Variants in BCAR3 observed in about 807,000 individuals in gnomAD.
The protein encoded by BCAR3 is breast cancer anti-estrogen resistance protein 3.
In BCAR3, 37 loss-of-function variants were observed where a neutral mutation model predicts 80.1. The ratio of observed to expected loss-of-function variants is 0.46; its 90% CI spans 0.36 to 0.61. BCAR3 has a LOEUF of 0.61. BCAR3 is among the 20% of genes least tolerant of loss of function. The pLI is 0.00. For synonymous variants in BCAR3, 389 were observed against 418.9 expected, an observed-to-expected ratio of 0.93 and a Z score of 0.87; for missense variants, 978 against 1,068.2, an observed-to-expected ratio of 0.92 and a Z score of 1.18.
chr1:93,596,545 T>C (rs536735421), intron 3 of BCAR3, among the ~76,000 whole-genome samples: 78 of 152,296 alleles, frequency 5.1e-4, no homozygotes, highest in African/African-American at 1.7e-3. Flanking sequence ...TCTTAGAAAG[T>C]TGACATTGAG....
intron 2 of BCAR3, among the ~76,000 whole-genome samples, chr1:93,779,605 G>C (rs950340623): frequency 2.6e-5 from 4 of 152,182 alleles, no homozygotes; most frequent in African/African-American, 9.7e-5. Flanking sequence ...TAGGGGAAGG[G>C]TGTTCCAGGG....
intron 2 of BCAR3, 112 bp from the exon 3 acceptor site, chr1:93,642,455 C>G: frequency 9.5e-7 from 1 of 1,054,982 alleles, no homozygotes; most frequent in Non-Finnish European, 1.4e-6. Context: ...AAGCTGGGCC[C>G]CATCTCCCAG....
intron 2 of BCAR3, among the ~76,000 whole-genome samples, chr1:93,810,258 C>T (rs1375459545): frequency 6.6e-6 from 1 of 151,180 alleles, no homozygotes; most frequent in African/African-American, 2.4e-5. Context: ...CAGATTATTT[C>T]ACTTTCTTCT....
chr1:93,572,600 G>A (rs1272382254), intron 8 of BCAR3, among the ~76,000 whole-genome samples: 2 of 152,190 alleles, frequency 1.3e-5, no homozygotes, highest in African/African-American at 4.8e-5. Flanking sequence ...TATGAATGGG[G>A]TCAGTCTGCG....
At position 93,589,263 on chromosome 1, in the gene BCAR3, C is replaced by T. The variant is rs139298422; in HGVS notation, c.643G>A (p.Val215Met). 1.8e-4 allele frequency: 286 copies of T among 1,614,078 alleles called. No homozygotes were observed. The highest frequency in any genetic ancestry group is 2.1e-4 in the Non-Finnish European group (247 of 1,180,046). ...VLRLSEAYSR[V>M]QYQFEMESFD... ...CTCTCCATCTCGAACTGGTACTGCA[C>T]GCGGCTGTAGGCCTCGCTGAGTCGC... The change falls in exon 5 of 12, where the codon GTG becomes ATG. Residue 215 changes from valine (V) to methionine (M), a missense_variant. Transcript: ENST00000260502.
chr1:93,679,975 A>G (rs1033560113), intron 1 of BCAR3, among the ~76,000 whole-genome samples: 7 of 152,222 alleles, frequency 4.6e-5, no homozygotes, highest in Non-Finnish European at 1.0e-4. Flanking sequence ...AGAATTTACA[A>G]CTTGGATCTG....
intron 2 of BCAR3, among the ~76,000 whole-genome samples, chr1:93,644,029 C>G (rs932291356): frequency 1.3e-5 from 2 of 152,086 alleles, no homozygotes; most frequent in Admixed American, 1.3e-4. Flanking sequence ...CCCTATATAT[C>G]GTGACTTACT....
chr1:93,790,614 C>CT (rs781591266), intron 2 of BCAR3, among the ~76,000 whole-genome samples: 12,273 of 89,440 alleles, frequency 0.14, 1,158 homozygotes, highest in African/African-American at 0.3. Flanking sequence ...CACTTATAGT[C>CT]TTTTTTTTTT....
Position 93,582,877 on chromosome 1 carries a change from G to A in BCAR3, c.1110C>T (p.Ser370=), listed in dbSNP as rs200521070. 30 of 1,610,918 alleles carry A rather than the reference G, an allele frequency of 1.9e-5. No individual in the cohort carries two copies. Among genetic ancestry groups the A allele is most frequent in the African/African-American group, 5.3e-5 (4 of 74,988 alleles). Residue 370 remains serine, a synonymous_variant, in exon 7 of 12, where the codon AGC becomes AGT. Coordinates refer to ENST00000260502, the MANE Select transcript of BCAR3 (RefSeq NM_003567.4). ...CCACTGCTGGGCTCAGGGCAGGCTC[G>A]CTTCCCGTCCTGAACACAGGTGAGT... ...CPNSPVFRTG[S]EPALSPAVVR... is the part of the protein sequence containing the mutation.
At position 93,573,615 on chromosome 1, in the gene BCAR3, A is replaced by ATTTGTTTTTTTTTTTTTTTTTTTT. The variant is rs919862286; in HGVS notation, c.1803-1775_1803-1774insAAAAAAAAAAAAAAAAAAAACAAA. 3.1e-5 allele frequency among the ~76,000 whole-genome samples: 4 copies of ATTTGTTTTTTTTTTTTTTTTTTTT among 129,800 alleles called. 1 individual carries two copies. The highest frequency in any genetic ancestry group is 3.0e-5 in the African/African-American group (1 of 33,066). 85.2% of individuals were successfully genotyped at this position (129,800 alleles called of 152,430 possible). On this transcript the variant is annotated intron_variant, in intron 8 of 11. Coordinates refer to ENST00000260502, the MANE Select transcript of BCAR3 (RefSeq NM_003567.4). The stretch of plus-strand genomic sequence containing the variant: ...CATAGACCTAAAATATATTTTTATT[A>ATTTGTTTTTTTTTTTTTTTTTTTT]TTATTATTATTATTATTATTTTTTT...
At chr1:93,762,551 A>C (rs777714515) in intron 2 of BCAR3, among the ~76,000 whole-genome samples, 4 of 152,200 alleles carry the variant, frequency 2.6e-5, no homozygotes, top group Non-Finnish European at 4.4e-5. Flanking sequence ...AGAGCCAGGC[A>C]AAGGCAGGCC....
intron 7 of BCAR3, 72 bp downstream of exon 7, chr1:93,582,229 A>G: frequency 6.5e-7 from 1 of 1,532,910 alleles, no homozygotes; most frequent in East Asian, 2.3e-5. Context: ...CAAAAGCCAG[A>G]GGAGCACCGG....
At chr1:93,816,670 C>CAAAAAA (rs60051218) in intron 2 of BCAR3, among the ~76,000 whole-genome samples, 10 of 53,876 alleles carry the variant, frequency 1.9e-4, no homozygotes, top group Middle Eastern at 0.016. Context: ...GACTCCATCT[C>CAAAAAA]AAAAAAAAAA....
rs745328827 is a variant in BCAR3, at chr1:93,582,523, T to A, written c.1464A>T (p.Glu488Asp). ...LDDDDRERPW[E>D]PAAAQMEKGQ... ...CCTTCTCCATCTGAGCTGCCGCAGG[T>A]TCCCAAGGTCTTTCCCTGTCATCAT... Residue 488 changes from glutamate (E) to aspartate (D), a missense_variant, in exon 7 of 12, where the codon GAA becomes GAT. Physicochemically the swap from Glu to Asp is conservative, Grantham distance 45 (BLOSUM62 2). Transcript: ENST00000260502. 4 of 1,613,720 alleles carry A rather than the reference T, an allele frequency of 2.5e-6. No homozygotes were observed. Among genetic ancestry groups the A allele is most frequent in the Non-Finnish European group, 3.4e-6 (4 of 1,179,916 alleles).
chr1:93,844,923 G>A (rs1655093658), intron 2 of BCAR3, among the ~76,000 whole-genome samples: 1 of 152,056 alleles, frequency 6.6e-6, no homozygotes, highest in Non-Finnish European at 1.5e-5. Flanking sequence ...ATAGCTCACA[G>A]AAGGCTGCAC....
chr1:93,755,173 TTG>T (rs1234338185), intron 2 of BCAR3, among the ~76,000 whole-genome samples: 2 of 152,168 alleles, frequency 1.3e-5, no homozygotes, highest in East Asian at 3.8e-4. Flanking sequence ...TATAACATGT[TTG>T]TGTGTTGTGT....
chr1:93,693,133 C>A (rs887561084), intron 3 of BCAR3, among the ~76,000 whole-genome samples: 3 of 152,160 alleles, frequency 2.0e-5, no homozygotes, highest in South Asian at 2.1e-4. Context: ...TTTTAACAAG[C>A]CTCCCAGTGA....
chr1:93,627,890 C>T (rs1675498286), intron 3 of BCAR3, among the ~76,000 whole-genome samples: 1 of 152,070 alleles, frequency 6.6e-6, no homozygotes, highest in South Asian at 2.1e-4. Flanking sequence ...CATAAGTTTT[C>T]AGTATCTTAC....
intron 4 of BCAR3, among the ~76,000 whole-genome samples, chr1:93,591,166 AT>A (rs1190897674): frequency 7.9e-6 from 1 of 127,206 alleles, no homozygotes; most frequent in South Asian, 2.3e-4. Context: ...AATCTACTAC[AT>A]TAAAAAAAAA....
Sources: allele counts gnomAD v4.1 joint callset (sites outside exome capture counted in the v4.1 genomes callset), GRCh38; gene constraint gnomAD v4.1.1; transcripts MANE v1.5; gene names NCBI Gene and HGNC (gene_info 2026-07-23, HGNC 2026-07-21).